FANCB: variants seen among roughly 807,000 people sequenced by gnomAD.
FANCB encodes the protein FA complementation group B.
A neutral mutation model predicts 38.9 loss-of-function variants in FANCB; 5 were observed. The ratio of observed to expected loss-of-function variants is 0.13; its 90% CI spans 0.07 to 0.27. FANCB has a LOEUF of 0.27. FANCB is among the 10% of genes least tolerant of loss of function. The probability of loss-of-function intolerance (pLI) is 1.00; values close to 1 mark genes in which losing one functional copy is unlikely to be tolerated. For missense variants in FANCB, 573 were observed against 602.7 expected (o/e 0.95, Z 0.52); for synonymous variants, 236 against 215.4 (o/e 1.10, Z -0.84).
chrX:14,724,603 G>A, the FANCB span, among the ~76,000 whole-genome samples: 11 of 81,423 alleles, frequency 1.4e-4, no homozygotes, highest in Non-Finnish European at 2.4e-4. Context: ...TCCAACCTGG[G>A]TGACAAAAGC....
the FANCB span, among the ~76,000 whole-genome samples, chrX:14,753,028 CAT>C: frequency 1.0e-4 from 10 of 100,138 alleles, no homozygotes; most frequent in East Asian, 9.5e-4. Context: ...CACACACACA[CAT>C]TAGTTTTTCT....
the FANCB span, among the ~76,000 whole-genome samples, chrX:14,691,271 C>CTG: frequency 0.032 from 2,707 of 85,074 alleles, 61 homozygotes; most frequent in Non-Finnish European, 0.043. Context: ...TAAATATTGA[C>CTG]TGTGTGTGTG....
At chrX:14,721,239 T>A in the FANCB span, among the ~76,000 whole-genome samples, 1 of 111,019 alleles carries the variant, frequency 9.0e-6, no homozygotes, top group African/African-American at 3.3e-5. Flanking sequence ...TTAGGAGGAT[T>A]ACGTTTTAGA....
chrX:14,748,479 C>T, the FANCB span, among the ~76,000 whole-genome samples: 134 of 112,356 alleles, frequency 1.2e-3, no homozygotes, highest in Non-Finnish European at 1.4e-3. Context: ...TGTATTAAAG[C>T]CACTAAACTC....
intron 5 of FANCB, among the ~76,000 whole-genome samples, chrX:14,853,829 G>A (rs1208111236): frequency 8.9e-6 from 1 of 111,732 alleles, no homozygotes; most frequent in Non-Finnish European, 1.9e-5. Flanking sequence ...TCAGCACTAA[G>A]GATAAAACAT....
the FANCB span, among the ~76,000 whole-genome samples, chrX:14,694,192 A>G: frequency 6.2e-5 from 7 of 112,120 alleles, no homozygotes; most frequent in Non-Finnish European, 3.8e-5. Context: ...CAGTAGTTTA[A>G]GGTAGGTGAG....
the FANCB span, among the ~76,000 whole-genome samples, chrX:14,792,700 T>C: frequency 9.0e-6 from 1 of 111,722 alleles, no homozygotes; most frequent in Non-Finnish European, 1.9e-5. Context: ...AAGAGTTGCC[T>C]TTTTCTAACA....
chrX:14,732,007 A>G, the FANCB span, among the ~76,000 whole-genome samples: 15 of 110,537 alleles, frequency 1.4e-4, no homozygotes, highest in African/African-American at 4.6e-4. Flanking sequence ...TACACTAGGC[A>G]TTTCTCCTAA....
chrX:14,872,486 G>T (rs2092503128), intron 1 of FANCB, among the ~76,000 whole-genome samples: 1 of 111,169 alleles, frequency 9.0e-6, no homozygotes, highest in Admixed American at 9.5e-5. Context: ...TAACTGTTGT[G>T]AATTTTCATG....
At chrX:14,736,611 T>C in the FANCB span, among the ~76,000 whole-genome samples, 1 of 109,967 alleles carries the variant, frequency 9.1e-6, no homozygotes, top group East Asian at 2.9e-4. Flanking sequence ...GGTACCTCAG[T>C]TGAAAATGCA....
the FANCB span, among the ~76,000 whole-genome samples, chrX:14,803,446 T>C: frequency 8.9e-6 from 1 of 112,700 alleles, no homozygotes; most frequent in Non-Finnish European, 1.9e-5. Flanking sequence ...ATTTCAGCCA[T>C]AAACTTGGCA....
At chrX:14,695,870 GCCATT>G in the FANCB span, among the ~76,000 whole-genome samples, 1 of 111,098 alleles carries the variant, frequency 9.0e-6, no homozygotes, top group Non-Finnish European at 1.9e-5. Flanking sequence ...GGGTAAAAAA[GCCATT>G]CCTCCAAGAA....
the FANCB span, among the ~76,000 whole-genome samples, chrX:14,757,684 C>T: frequency 1.8e-5 from 2 of 111,916 alleles, no homozygotes; most frequent in East Asian, 5.6e-4. Context: ...GCCCTGTGGG[C>T]TCTCTCAGTC....
chrX:14,848,457 C>T (rs1217452227), intron 7 of FANCB, among the ~76,000 whole-genome samples: 1 of 111,773 alleles, frequency 8.9e-6, no homozygotes, highest in African/African-American at 3.3e-5. Context: ...TAAACACCCT[C>T]ATCTTGCCAC....
chrX:14,811,668 A>C, the FANCB span, among the ~76,000 whole-genome samples: 13 of 111,850 alleles, frequency 1.2e-4, no homozygotes, highest in Non-Finnish European at 1.7e-4. Context: ...TTCATAAAGG[A>C]AGTCCTGAGT....
rs185118376 is a variant in FANCB, at chrX:14,868,963, T to C, written c.-111A>G. On this transcript the variant is annotated 5_prime_UTR_variant, in exon 2 of 10. Transcript: ENST00000650831. ...CAATTAACAGAAAGATCTGGGACAATAGGCATCACAAAGTAGTTTCAGCTT... is the reference window on the plus strand; with the variant it reads ...CAATTAACAGAAAGATCTGGGACAACAGGCATCACAAAGTAGTTTCAGCTT... 8.0e-5 allele frequency: 9 copies of C among 111,995 alleles called. No homozygotes were observed. Among genetic ancestry groups the C allele is most frequent in the Admixed American group, 2.8e-4 (3 of 10,603 alleles). The allele number at this position is 111,995 out of a possible 1,213,427, so 9.2% of individuals were successfully genotyped here. A position where few individuals can be genotyped will look rare whatever the true frequency, so the allele number is the denominator to read the frequency against.
the FANCB span, among the ~76,000 whole-genome samples, chrX:14,755,068 A>T: frequency 2.7e-5 from 3 of 112,115 alleles, no homozygotes; most frequent in African/African-American, 9.7e-5. Flanking sequence ...CCATATAATC[A>T]TTTCATTAGA....
At chrX:14,869,775 C>G (rs924390592) in intron 1 of FANCB, among the ~76,000 whole-genome samples, 5 of 111,822 alleles carry the variant, frequency 4.5e-5, no homozygotes, top group African/African-American at 1.6e-4. Flanking sequence ...AGAAAAAAAG[C>G]TTGCAAATCA....
the FANCB span, among the ~76,000 whole-genome samples, chrX:14,779,268 G>A: frequency 8.9e-6 from 1 of 112,445 alleles, no homozygotes; most frequent in Non-Finnish European, 1.9e-5. Flanking sequence ...GCCTGTTTCT[G>A]GGGAACCCAA....
Sources: allele counts gnomAD v4.1 joint callset (sites outside exome capture counted in the v4.1 genomes callset), GRCh38; gene constraint gnomAD v4.1.1; transcripts MANE v1.5; gene names NCBI Gene and HGNC (gene_info 2026-07-23, HGNC 2026-07-21).